Variants in C1QTNF7 observed in about 807,000 individuals in gnomAD.
C1QTNF7 encodes the protein C1q and TNF related 7, also known as complement C1q tumor necrosis factor-related protein 7.
Under a neutral mutation model 19.6 loss-of-function variants are expected in C1QTNF7, and 15 were observed. The ratio of observed to expected loss-of-function variants is 0.76; its 90% CI spans 0.51 to 1.18. The LOEUF is 1.18. Ranked by LOEUF, C1QTNF7 falls within the 50% of genes most tolerant of loss-of-function variation. The pLI, the probability that C1QTNF7 is intolerant of heterozygous loss-of-function variation, is 0.00. For missense variants in C1QTNF7, 324 were observed against 359.7 expected, an observed-to-expected ratio of 0.90 and a Z score of 0.80; for synonymous variants, 142 against 137.5, an observed-to-expected ratio of 1.03 and a Z score of -0.23.
chr4:15,422,235 C>T (rs891625777), intron 1 of C1QTNF7, among the ~76,000 whole-genome samples: 24 of 144,766 alleles, frequency 1.7e-4, no homozygotes, highest in African/African-American at 6.0e-4. Context: ...GGATATTGCA[C>T]AGATATGACA....
intron 1 of C1QTNF7, among the ~76,000 whole-genome samples, chr4:15,340,935 T>C (rs189818584): frequency 6.6e-6 from 1 of 152,324 alleles, no homozygotes; most frequent in East Asian, 1.9e-4. Flanking sequence ...TTTCTGTGCA[T>C]TGGTCACTTG....
chr4:15,435,845 C>T lies in C1QTNF7; in HGVS notation c.102C>T (p.Cys34=). 6.2e-7 allele frequency: 1 copy of T among 1,614,110 alleles called. No homozygotes were observed. The highest frequency in any genetic ancestry group is 8.5e-7 in the Non-Finnish European group (1 of 1,180,034). The change falls in exon 2 of 3, where the codon TGC becomes TGT. Residue 34 remains cysteine (C), a synonymous_variant. Transcript: ENST00000444304. The part of the protein sequence containing the change: ...KGENYSPRYI[C]SIPGLPGPPG... ...AGAACTACTCCCCCAGGTATATCTGCAGCATTCCTGGCTTGCCTGGACCTC... is the reference window on the plus strand; with the variant it reads ...AGAACTACTCCCCCAGGTATATCTGTAGCATTCCTGGCTTGCCTGGACCTC...
intron 1 of C1QTNF7, chr4:15,373,791 T>C (rs1717819641): frequency 1.3e-5 from 2 of 152,246 alleles, no homozygotes; most frequent in Admixed American, 1.3e-4. Flanking sequence ...CTGGCCACTA[T>C]ACTCCTCCTT....
At chr4:15,361,649 C>G (rs911091176) in intron 1 of C1QTNF7, among the ~76,000 whole-genome samples, 2 of 152,086 alleles carry the variant, frequency 1.3e-5, no homozygotes, top group East Asian at 1.9e-4. Context: ...CTAACACATG[C>G]CCTGTGTAGT....
At chr4:15,386,235 C>G (rs1246203798) in intron 1 of C1QTNF7, among the ~76,000 whole-genome samples, 3 of 152,196 alleles carry the variant, frequency 2.0e-5, no homozygotes, top group Non-Finnish European at 4.4e-5. Context: ...GGCCTTGTCT[C>G]TCATGCATGG....
At chr4:15,396,124 C>G (rs946771885) in intron 1 of C1QTNF7, among the ~76,000 whole-genome samples, 1 of 152,110 alleles carries the variant, frequency 6.6e-6, no homozygotes, top group Non-Finnish European at 1.5e-5. Context: ...TCACAAGGAC[C>G]TCAGGGAGGA....
intron 1 of C1QTNF7, among the ~76,000 whole-genome samples, chr4:15,346,990 T>C (rs763394287): frequency 2.6e-5 from 4 of 152,222 alleles, no homozygotes; most frequent in Non-Finnish European, 5.9e-5. Flanking sequence ...TGAATGATGT[T>C]GAACCACATA....
chr4:15,365,782 A>C (rs1717494206), intron 1 of C1QTNF7, among the ~76,000 whole-genome samples: 1 of 152,168 alleles, frequency 6.6e-6, no homozygotes, highest in South Asian at 2.1e-4. Flanking sequence ...GGCTTCACTA[A>C]GAGCAAAAGG....
chr4:15,356,334 G>C (rs1050025555), intron 1 of C1QTNF7, among the ~76,000 whole-genome samples: 1 of 152,000 alleles, frequency 6.6e-6, no homozygotes, highest in Non-Finnish European at 1.5e-5. Context: ...CCACTTATGA[G>C]TGAGAACATG....
intron 1 of C1QTNF7, among the ~76,000 whole-genome samples, chr4:15,417,185 T>C (rs1440028997): frequency 6.6e-6 from 1 of 152,228 alleles, no homozygotes; most frequent in Admixed American, 6.5e-5. Flanking sequence ...TAATGTAGAA[T>C]GAACCACCTT....
chr4:15,401,123 C>T (rs762041676), intron 1 of C1QTNF7, among the ~76,000 whole-genome samples: 5 of 152,124 alleles, frequency 3.3e-5, no homozygotes, highest in Non-Finnish European at 5.9e-5. Flanking sequence ...CTTTAGAGAG[C>T]TATTTCCATG....
At chr4:15,441,966 A>G (rs1712777145) in intron 2 of C1QTNF7, among the ~76,000 whole-genome samples, 1 of 152,086 alleles carries the variant, frequency 6.6e-6, no homozygotes, top group Non-Finnish European at 1.5e-5. Context: ...GGTTGCAGTG[A>G]GCCAAGATCA....
intron 1 of C1QTNF7, among the ~76,000 whole-genome samples, chr4:15,350,060 AG>A (rs1716858795): frequency 7.3e-6 from 1 of 136,170 alleles, no homozygotes; most frequent in South Asian, 2.8e-4. Context: ...GAAGGGAGGA[AG>A]GGAAGAAGGA....
intron 1 of C1QTNF7, among the ~76,000 whole-genome samples, chr4:15,388,915 A>G (rs889487269): frequency 1.3e-5 from 2 of 152,158 alleles, no homozygotes; most frequent in Admixed American, 6.5e-5. Context: ...TGGAGGATGG[A>G]TGGTCTGGAA....
intron 1 of C1QTNF7, among the ~76,000 whole-genome samples, chr4:15,432,097 G>A (rs1355654023): frequency 2.0e-5 from 3 of 152,132 alleles, no homozygotes; most frequent in Non-Finnish European, 4.4e-5. Context: ...CCCTAAGGCA[G>A]GGCACACCTA....
intron 1 of C1QTNF7, among the ~76,000 whole-genome samples, chr4:15,359,641 G>A (rs113023331): frequency 2.3e-4 from 35 of 152,232 alleles, no homozygotes; most frequent in African/African-American, 8.2e-4. Flanking sequence ...GGTGCTCAAA[G>A]GAAATGATAA....
chr4:15,414,800 A>G (rs1719531983), intron 1 of C1QTNF7, among the ~76,000 whole-genome samples: 1 of 149,566 alleles, frequency 6.7e-6, no homozygotes, highest in South Asian at 2.1e-4. Context: ...TTTTTCTATT[A>G]AAGTAAATGT....
At chr4:15,378,299 A>G (rs1718017919) in intron 1 of C1QTNF7, among the ~76,000 whole-genome samples, 1 of 152,238 alleles carries the variant, frequency 6.6e-6, no homozygotes, top group Non-Finnish European at 1.5e-5. Flanking sequence ...AGCCTGTTTC[A>G]TCACCTATTA....
intron 1 of C1QTNF7, among the ~76,000 whole-genome samples, chr4:15,403,425 T>G (rs2108909275): frequency 6.6e-6 from 1 of 152,306 alleles, no homozygotes; most frequent in Admixed American, 6.5e-5. Context: ...ACAGGGTTTG[T>G]TCCTTCTGGA....
Sources: gnomAD v4.1 joint callset for allele counts (sites outside exome capture counted in the v4.1 genomes callset) on GRCh38, gnomAD v4.1.1 for gene constraint, MANE v1.5 for transcripts, NCBI Gene and HGNC (gene_info 2026-07-23, HGNC 2026-07-21) for gene names.